Variants in ZPBP observed in about 807,000 individuals in gnomAD.
The protein encoded by ZPBP is zona pellucida binding protein.
A neutral mutation model predicts 44.8 loss-of-function variants in ZPBP; 26 were observed. That is an observed-to-expected ratio of 0.58 (90% CI 0.43 to 0.81). The LOEUF (loss-of-function observed/expected upper bound fraction) is 0.81, where lower values mean the gene tolerates loss of function less well. Among genes scored for constraint, ZPBP ranks in the 30% least tolerant of loss-of-function variants. ZPBP has a pLI of 0.00. For synonymous variants in ZPBP, 174 were observed against 153.2 expected (o/e 1.14, Z -1.00); for missense variants, 409 against 434.0 (o/e 0.94, Z 0.51).
At chr7:49,870,538 A>T (rs1791105189) in intron 2 of ZPBP, among the ~76,000 whole-genome samples, 1 of 152,242 alleles carries the variant, frequency 6.6e-6, no homozygotes, top group South Asian at 2.1e-4. Flanking sequence ...AGAGGTGAGT[A>T]AGTGGGAGTG....
downstream of ZPBP, among the ~76,000 whole-genome samples, chr7:49,933,921 AG>A: frequency 8.0e-6 from 1 of 124,618 alleles, no homozygotes; most frequent in Non-Finnish European, 1.7e-5. Context: ...GGGAGGGGGG[AG>A]GGATAGCATT....
intron 2 of ZPBP, among the ~76,000 whole-genome samples, chr7:49,886,538 C>G (rs536305169): frequency 1.1e-3 from 163 of 152,004 alleles, no homozygotes; most frequent in African/African-American, 3.9e-3. Context: ...TTCACTTGTT[C>G]TTATCAAATG....
intron 1 of ZPBP, among the ~76,000 whole-genome samples, chr7:49,902,005 G>C (rs567340756): frequency 5.4e-5 from 8 of 147,104 alleles, no homozygotes; most frequent in African/African-American, 2.1e-4. Flanking sequence ...TAAATCAAGA[G>C]ACAGACTTTA....
chr7:49,860,181 A>G (rs937183075), intron 2 of ZPBP, among the ~76,000 whole-genome samples: 2 of 152,174 alleles, frequency 1.3e-5, no homozygotes, highest in African/African-American at 4.8e-5. Context: ...AGGTTGTGCA[A>G]TCATCACCAC....
intron 2 of ZPBP, among the ~76,000 whole-genome samples, chr7:49,897,975 A>T (rs1792474090): frequency 6.6e-6 from 1 of 152,194 alleles, no homozygotes; most frequent in South Asian, 2.1e-4. Context: ...TGTTCTTCTC[A>T]GTTCTCAGGA....
intron 7 of ZPBP, among the ~76,000 whole-genome samples, chr7:49,982,490 A>G (rs746216032): frequency 1.6e-4 from 24 of 149,196 alleles, no homozygotes; most frequent in Non-Finnish European, 2.4e-4. Flanking sequence ...GAAACTTCAT[A>G]TTTTTAAACA....
intron 7 of ZPBP, among the ~76,000 whole-genome samples, chr7:49,950,787 A>G (rs1795307937): frequency 6.6e-6 from 1 of 151,736 alleles, no homozygotes; most frequent in Non-Finnish European, 1.5e-5. Flanking sequence ...AAGGGGTCCA[A>G]AATACTCAAA....
Position 49,945,124 on chromosome 7 carries a change from T to C in ZPBP, c.962-7502A>G, listed in dbSNP as rs542066146. On this transcript the variant is annotated intron_variant, in intron 7 of 7. Transcript: ENST00000046087. ...GAGCCACTGGTCATTCAGGAGCATA[T>C]TGTTTAATTTCCAGGTGTTCATATA... is the stretch of plus-strand genomic sequence containing the variant. Among the ~76,000 whole-genome samples, 4 of 152,324 alleles carry C rather than the reference T, an allele frequency of 2.6e-5. No individual in the cohort carries two copies. The South Asian group carries it at 8.3e-4, about 32-fold the overall frequency.
At chr7:49,869,264 A>G (rs1485933370) in intron 2 of ZPBP, among the ~76,000 whole-genome samples, 2 of 152,192 alleles carry the variant, frequency 1.3e-5, no homozygotes, top group African/African-American at 2.4e-5. Flanking sequence ...AAGCCTTTGC[A>G]AAATACACAG....
chr7:49,921,788 C>G (rs564734460), intron 1 of ZPBP: 3 of 152,148 alleles, frequency 2.0e-5, no homozygotes, highest in African/African-American at 7.2e-5. Flanking sequence ...TAATTTATAT[C>G]TTAGTTTTTA....
intron 2 of ZPBP, among the ~76,000 whole-genome samples, chr7:49,871,932 C>G (rs1791170924): frequency 7.5e-6 from 1 of 134,016 alleles, no homozygotes; most frequent in South Asian, 2.8e-4. Context: ...CACACACACA[C>G]ACACACACAC....
chr7:49,982,471 T>A (rs1446972054), intron 7 of ZPBP, among the ~76,000 whole-genome samples: 1 of 148,412 alleles, frequency 6.7e-6, no homozygotes, highest in Non-Finnish European at 1.5e-5. Context: ...CTGTGTACTA[T>A]ATTTTTGTGA....
intron 4 of ZPBP, among the ~76,000 whole-genome samples, chr7:50,045,883 C>T (rs1342936373): frequency 3.3e-5 from 5 of 152,192 alleles, no homozygotes; most frequent in Non-Finnish European, 5.9e-5. Flanking sequence ...ATCATGCTAC[C>T]TGACTTCAAA....
chr7:50,087,362 A>G (rs965066825), intron 2 of ZPBP, among the ~76,000 whole-genome samples: 1 of 152,104 alleles, frequency 6.6e-6, no homozygotes, highest in African/African-American at 2.4e-5. Flanking sequence ...CAAGTTCAAA[A>G]TACAAAAATC....
chr7:49,935,382 A>G (rs1014646741), downstream of ZPBP, among the ~76,000 whole-genome samples: 1 of 151,966 alleles, frequency 6.6e-6, no homozygotes, highest in South Asian at 2.1e-4. Flanking sequence ...CCTTTACTTC[A>G]ATTTATTTAT....
chr7:50,053,818 A>G (rs1800804227), intron 4 of ZPBP, among the ~76,000 whole-genome samples: 1 of 152,208 alleles, frequency 6.6e-6, no homozygotes, highest in Admixed American at 6.5e-5. Flanking sequence ...TCTAACAAAT[A>G]AAAGATGTTA....
At chr7:49,961,581 A>G (rs562997406) in intron 7 of ZPBP, among the ~76,000 whole-genome samples, 62 of 152,260 alleles carry the variant, frequency 4.1e-4, no homozygotes, top group Non-Finnish European at 7.8e-4. Context: ...TTCAACATGT[A>G]TAGTTAATTG....
intron 2 of ZPBP, among the ~76,000 whole-genome samples, chr7:49,877,483 T>TATACATACATAC (rs1256474782): frequency 9.5e-5 from 1 of 10,480 alleles, no homozygotes; most frequent in African/African-American, 4.0e-4. Context: ...AAAAAAAAAA[T>TATACATACATAC]ATATATATAT....
intron 2 of ZPBP, among the ~76,000 whole-genome samples, chr7:49,867,625 C>T (rs1790957239): frequency 6.6e-6 from 1 of 152,162 alleles, no homozygotes; most frequent in South Asian, 2.1e-4. Context: ...ACATCTGAGG[C>T]ATTCACCCTC....
Sources: gnomAD v4.1 joint callset for allele counts (sites outside exome capture counted in the v4.1 genomes callset) on GRCh38, gnomAD v4.1.1 for gene constraint, MANE v1.5 for transcripts, NCBI Gene and HGNC (gene_info 2026-07-23, HGNC 2026-07-21) for gene names.